TTC39B: variants seen among roughly 807,000 people sequenced by gnomAD.
The protein encoded by TTC39B is tetratricopeptide repeat domain 39B, also known as tetratricopeptide repeat protein 39B.
In TTC39B, 92 loss-of-function variants were observed where a neutral mutation model predicts 96.6. That is an observed-to-expected ratio of 0.95 (90% confidence interval 0.80 to 1.13). The LOEUF (loss-of-function observed/expected upper bound fraction) is 1.13, where lower values mean the gene tolerates loss of function less well. Among genes scored for constraint, TTC39B ranks in the 50% most tolerant of loss-of-function variants. The pLI is 0.00. For missense variants in TTC39B, 955 were observed against 809.3 expected, an observed-to-expected ratio of 1.18 and a Z score of -2.18; for synonymous variants, 367 against 299.4, an observed-to-expected ratio of 1.23 and a Z score of -2.33.
chr9:15,258,496 T>G (rs1352993242), intron 2 of TTC39B, among the ~76,000 whole-genome samples: 1 of 152,086 alleles, frequency 6.6e-6, no homozygotes, highest in African/African-American at 2.4e-5. Flanking sequence ...AAAGAAGCAA[T>G]GATTGGACCT....
At chr9:15,215,090 TAA>T (rs1405740442) in intron 3 of TTC39B, among the ~76,000 whole-genome samples, 1 of 151,834 alleles carries the variant, frequency 6.6e-6, no homozygotes. Flanking sequence ...CTCGTCTCTA[TAA>T]AAAAGTTTTT....
intron 2 of TTC39B, among the ~76,000 whole-genome samples, chr9:15,255,161 A>C (rs1586964837): frequency 6.6e-6 from 1 of 152,266 alleles, no homozygotes; most frequent in South Asian, 2.1e-4. Context: ...AAATTACTTT[A>C]TACAATAATA....
chr9:15,301,632 T>A (rs552340667), intron 1 of TTC39B, among the ~76,000 whole-genome samples: 1 of 152,064 alleles, frequency 6.6e-6, no homozygotes. Context: ...GGTGCATGCC[T>A]GTAACCCCAG....
chr9:15,267,890 AC>A, intron 2 of TTC39B, 23 bp downstream of exon 2: 1 of 1,596,014 alleles, frequency 6.3e-7, no homozygotes, highest in Non-Finnish European at 8.5e-7. Context: ...CTTACTACAT[AC>A]TTTTTATTAT....
intron 2 of TTC39B, among the ~76,000 whole-genome samples, chr9:15,229,494 T>C (rs1213837766): frequency 6.6e-6 from 1 of 152,264 alleles, no homozygotes; most frequent in Non-Finnish European, 1.5e-5. Flanking sequence ...GGTAAGATTA[T>C]GGTTTTATTA....
At chr9:15,233,666 T>C (rs1337951843) in intron 2 of TTC39B, among the ~76,000 whole-genome samples, 2 of 152,304 alleles carry the variant, frequency 1.3e-5, no homozygotes, top group South Asian at 2.1e-4. Context: ...TGCTCAATGG[T>C]GCCCAGGCTG....
intron 1 of TTC39B, among the ~76,000 whole-genome samples, chr9:15,305,700 C>T (rs972198787): frequency 1.3e-5 from 2 of 150,228 alleles, no homozygotes; most frequent in African/African-American, 4.9e-5. Flanking sequence ...GCATCTCAAC[C>T]GTTCATCTAG....
At chr9:15,219,111 A>G (rs1173337136) in intron 3 of TTC39B, among the ~76,000 whole-genome samples, 2 of 152,226 alleles carry the variant, frequency 1.3e-5, no homozygotes, top group Non-Finnish European at 2.9e-5. Flanking sequence ...AGAACAAAGG[A>G]AAAGTCTTTT....
At chr9:15,249,726 G>T in intron 2 of TTC39B, 1 of 286,604 alleles carries the variant, frequency 3.5e-6, no homozygotes, top group Non-Finnish European at 5.9e-6. Flanking sequence ...AGGGTCAGAG[G>T]GGAAGCCAAG....
In TTC39B at chr9:15,268,046, G is replaced by A. The variant is rs1212435703; in HGVS notation, c.241-98C>T. The A allele has an allele frequency of 3.8e-6, 4 of 1,046,238 alleles. No homozygotes were observed. In the African/African-American group the frequency reaches 4.8e-5, roughly 13 times the overall value. The allele number at this position is 1,046,238 out of a possible 1,614,324, so 64.8% of individuals were successfully genotyped here. Reference sequence around the variant, plus strand: ...AATGAATACACGCATTGGGGAGAGTGGTCCTGGCAGGAAGGTATAGCAGGC... The same window carrying A: ...AATGAATACACGCATTGGGGAGAGTAGTCCTGGCAGGAAGGTATAGCAGGC... On this transcript the variant is annotated intron_variant, in intron 1 of 19. Transcript: ENST00000512701.
intron 2 of TTC39B, among the ~76,000 whole-genome samples, chr9:15,261,800 A>T (rs1023113450): frequency 6.6e-6 from 1 of 152,170 alleles, no homozygotes; most frequent in Non-Finnish European, 1.5e-5. Flanking sequence ...TACTCTTCAC[A>T]TGCCATATCA....
At chr9:15,256,744 C>G (rs1198158325) in intron 2 of TTC39B, among the ~76,000 whole-genome samples, 4 of 152,148 alleles carry the variant, frequency 2.6e-5, no homozygotes, top group Non-Finnish European at 5.9e-5. Flanking sequence ...TGAGGGCAAA[C>G]ACGCTCCAAT....
rs1554631637 is a variant in TTC39B, at chr9:15,281,649, AAT to A, written c.241-13703_241-13702del. 2.4e-3 allele frequency among the ~76,000 whole-genome samples: 320 copies of A among 132,732 alleles called. 9 individuals carry two copies. The highest frequency in any genetic ancestry group is 7.0e-3 in the African/African-American group (216 of 30,936). 87.1% of individuals were successfully genotyped at this position (132,732 alleles called of 152,430 possible). A position where few individuals can be genotyped will look rare whatever the true frequency, so the allele number is the denominator to read the frequency against. On this transcript the variant is annotated intron_variant, in intron 1 of 19. Transcript: ENST00000512701. ...GCAAAAAAAAAAAAAAAAAAAAAAAAATGGCAAAAAGCTAAATGCCTCTTCTG... is the reference window on the plus strand; with the variant it reads ...GCAAAAAAAAAAAAAAAAAAAAAAAAGGCAAAAAGCTAAATGCCTCTTCTG...
At chr9:15,207,952 C>A (rs1400044141) in intron 6 of TTC39B, among the ~76,000 whole-genome samples, 1 of 143,536 alleles carries the variant, frequency 7.0e-6, no homozygotes, top group South Asian at 2.3e-4. Context: ...CCACTGCACT[C>A]CAGCCTGGGC....
At chr9:15,188,254 A>C in intron 13 of TTC39B, 122 bp from the exon 14 acceptor site, 53 of 917,112 alleles carry the variant, frequency 5.8e-5, no homozygotes, top group Non-Finnish European at 7.4e-5. Flanking sequence ...TAAACCTCTC[A>C]ATATGATGAT....
At chr9:15,269,495 T>A (rs890863348) in intron 1 of TTC39B, among the ~76,000 whole-genome samples, 3 of 152,308 alleles carry the variant, frequency 2.0e-5, no homozygotes, top group Admixed American at 2.0e-4. Flanking sequence ...CCATTAATAC[T>A]GAACAAGGTT....
chr9:15,211,303 T>G, exon 5 of TTC39B: 2 of 1,585,000 alleles, frequency 1.3e-6, no homozygotes. Context: ...ATGGCAGAAA[T>G]GCCGTTCTGG....
chr9:15,226,284 G>A (rs1213084994), intron 2 of TTC39B, among the ~76,000 whole-genome samples: 1 of 152,100 alleles, frequency 6.6e-6, no homozygotes, highest in Non-Finnish European at 1.5e-5. Context: ...AGATAGGATT[G>A]TATCTTGTAT....
chr9:15,204,346 G>C (rs1819721165), intron 6 of TTC39B, among the ~76,000 whole-genome samples: 1 of 151,916 alleles, frequency 6.6e-6, no homozygotes, highest in South Asian at 2.1e-4. Flanking sequence ...CTGACCAACA[G>C]GCAGAAACCC....
Sources: allele counts gnomAD v4.1 joint callset (sites outside exome capture counted in the v4.1 genomes callset), GRCh38; gene constraint gnomAD v4.1.1; transcripts MANE v1.5; gene names NCBI Gene and HGNC (gene_info 2026-07-23, HGNC 2026-07-21).